KLF12: variants seen among roughly 807,000 people sequenced by gnomAD.
KLF12 encodes the protein KLF transcription factor 12, also known as Krueppel-like factor 12.
In KLF12, 9 loss-of-function variants were observed where a neutral mutation model predicts 37.8. The observed-to-expected ratio is 0.24, with a 90% CI of 0.14 to 0.42. The LOEUF is 0.42. Among genes scored for constraint, KLF12 ranks in the 10% least tolerant of loss-of-function variants. KLF12 has a pLI of 1.00. For synonymous variants in KLF12, 208 were observed against 202.1 expected (o/e 1.03, Z -0.25); for missense variants, 411 against 516.0 (o/e 0.80, Z 1.97).
At chr13:73,859,782 A>T (rs1306376485) in intron 3 of KLF12, among the ~76,000 whole-genome samples, 2 of 152,140 alleles carry the variant, frequency 1.3e-5, no homozygotes, top group Non-Finnish European at 2.9e-5. Context: ...TGTGTTTGAA[A>T]GAAATGAGAA....
intron 1 of KLF12, among the ~76,000 whole-genome samples, chr13:74,076,446 C>A (rs973912378): frequency 6.6e-6 from 1 of 152,112 alleles, no homozygotes; most frequent in Non-Finnish European, 1.5e-5. Flanking sequence ...CTTGACCCTG[C>A]ATTCTTTGGA....
At chr13:73,708,614 GTTAC>G (rs947769530) in intron 7 of KLF12, among the ~76,000 whole-genome samples, 8 of 152,184 alleles carry the variant, frequency 5.3e-5, no homozygotes, top group African/African-American at 1.9e-4. Flanking sequence ...ATGCCTGAAT[GTTAC>G]TTGCTTTTAC....
chr13:73,868,699 A>G (rs540922276), intron 3 of KLF12, among the ~76,000 whole-genome samples: 2 of 152,258 alleles, frequency 1.3e-5, no homozygotes, highest in African/African-American at 4.8e-5. Context: ...CCTAAAAACA[A>G]TAAGATTGTT....
intron 3 of KLF12, among the ~76,000 whole-genome samples, chr13:73,877,556 AAAT>A (rs1886773363): frequency 6.6e-6 from 1 of 152,162 alleles, no homozygotes; most frequent in South Asian, 2.1e-4. Context: ...AGCATTTTGA[AAAT>A]ATTATCCCAT....
At chr13:74,098,625 T>A (rs1409675485) in intron 1 of KLF12, among the ~76,000 whole-genome samples, 1 of 152,228 alleles carries the variant, frequency 6.6e-6, no homozygotes, top group African/African-American at 2.4e-5. Context: ...ATTGAATGGC[T>A]ATATCAAACC....
chr13:74,161,246 C>T, the KLF12 span, among the ~76,000 whole-genome samples: 1 of 151,902 alleles, frequency 6.6e-6, no homozygotes, highest in African/African-American at 2.4e-5. Flanking sequence ...TTATAGTGTC[C>T]TCCCAAAATT....
chr13:73,812,656 G>A (rs9318219), intron 5 of KLF12, among the ~76,000 whole-genome samples: 50,240 of 151,532 alleles, frequency 0.33, 8,623 homozygotes, highest in Middle Eastern at 0.44. Flanking sequence ...CTAACCCTGC[G>A]GTCCAGGTAA....
chr13:74,257,987 G>A, the KLF12 span: 3 of 152,018 alleles, frequency 2.0e-5, no homozygotes, highest in African/African-American at 7.2e-5. Context: ...AGAGGGTAGG[G>A]AACTGCTTCT....
chr13:74,209,420 A>G, the KLF12 span, among the ~76,000 whole-genome samples: 1 of 151,860 alleles, frequency 6.6e-6, no homozygotes, highest in Non-Finnish European at 1.5e-5. Context: ...TCTGATTCCT[A>G]CTAAATACTC....
the KLF12 span, among the ~76,000 whole-genome samples, chr13:74,176,339 T>C: frequency 6.6e-6 from 1 of 152,144 alleles, no homozygotes; most frequent in East Asian, 1.9e-4. Context: ...TACAAATACA[T>C]AAAATTTTTC....
chr13:74,291,404 T>C, the KLF12 span, among the ~76,000 whole-genome samples: 1 of 152,232 alleles, frequency 6.6e-6, no homozygotes, highest in African/African-American at 2.4e-5. Context: ...GGTAGTGATC[T>C]TAAGCTGAGG....
rs200417092 is a variant in KLF12 at position 73,867,381 on chromosome 13, T to TATACATAC, written c.124-21016_124-21009dup. ...CAAAAGAACCACTCCAACAGGAATA[T>TATACATAC]ATACATACATACATACATATATACG... On this transcript the variant is annotated intron_variant, in intron 3 of 7. Transcript: ENST00000377669. Among the ~76,000 whole-genome samples the TATACATAC allele has an allele frequency of 2.0e-5, 3 of 151,494 alleles. No homozygotes were observed. In the Middle Eastern group the frequency reaches 0.01, roughly 519 times the overall value.
At chr13:73,984,510 G>A (rs1891772510) in intron 2 of KLF12, among the ~76,000 whole-genome samples, 1 of 152,152 alleles carries the variant, frequency 6.6e-6, no homozygotes, top group Non-Finnish European at 1.5e-5. Context: ...GGTCTATGTG[G>A]ACTGGCATGT....
intron 2 of KLF12, among the ~76,000 whole-genome samples, chr13:73,972,393 C>T (rs1256362440): frequency 6.6e-6 from 1 of 151,902 alleles, no homozygotes; most frequent in Non-Finnish European, 1.5e-5. Flanking sequence ...ATTATCAATA[C>T]AATTGAATAA....
chr13:74,060,508 G>GTC (rs1566523555), intron 1 of KLF12, among the ~76,000 whole-genome samples: 44 of 147,050 alleles, frequency 3.0e-4, no homozygotes, highest in South Asian at 8.4e-4. Context: ...GTGTGTGTGT[G>GTC]TGTGTGTGTG....
chr13:74,208,029 A>G, the KLF12 span, among the ~76,000 whole-genome samples: 9 of 152,228 alleles, frequency 5.9e-5, no homozygotes, highest in African/African-American at 2.2e-4. Context: ...AAAACACAGG[A>G]TGAAGAATTT....
the KLF12 span, among the ~76,000 whole-genome samples, chr13:74,162,712 G>T: frequency 5.9e-5 from 9 of 152,090 alleles, no homozygotes; most frequent in South Asian, 2.1e-4. Context: ...GAGGTTTGTG[G>T]GTCAACTGTG....
intron 3 of KLF12, among the ~76,000 whole-genome samples, chr13:73,868,018 T>G (rs1886267919): frequency 7.2e-6 from 1 of 139,054 alleles, no homozygotes; most frequent in Non-Finnish European, 1.5e-5. Context: ...AGAGCGAAAC[T>G]CCTTCTCAAA....
chr13:74,202,673 T>G, the KLF12 span, among the ~76,000 whole-genome samples: 2 of 152,136 alleles, frequency 1.3e-5, no homozygotes, highest in Non-Finnish European at 2.9e-5. Context: ...ACTCTCCTTT[T>G]TCGAAGGATA....
Sources: allele counts gnomAD v4.1 joint callset (sites outside exome capture counted in the v4.1 genomes callset), GRCh38; gene constraint gnomAD v4.1.1; transcripts MANE v1.5; gene names NCBI Gene and HGNC (gene_info 2026-07-23, HGNC 2026-07-21).